CEP131: variants seen among roughly 807,000 people sequenced by gnomAD.
CEP131 encodes the protein centrosomal protein of 131 kDa.
Under a neutral mutation model 136.8 loss-of-function variants are expected in CEP131, and 99 were observed. The observed-to-expected ratio is 0.72, with a 90% CI of 0.62 to 0.86. CEP131 has a LOEUF of 0.86. Among genes scored for constraint, CEP131 ranks in the 40% least tolerant of loss-of-function variants. CEP131 has a pLI of 0.00. For synonymous variants in CEP131, 646 were observed against 612.7 expected (o/e 1.05, Z -0.80); for missense variants, 1,459 against 1,463.0 (o/e 1.00, Z 0.04).
At chr17:81,207,292 G>A (rs751353331) in intron 3 of CEP131, 53 bp from the exon 4 acceptor site, 32 of 1,534,170 alleles carry the variant, frequency 2.1e-5, no homozygotes, top group African/African-American at 5.5e-5. Flanking sequence ...CCGGGAAGCC[G>A]ACGCTAGGCA....
chr17:81,218,360 G>A (rs765066383), intron 2 of CEP131, among the ~76,000 whole-genome samples: 2 of 152,170 alleles, frequency 1.3e-5, no homozygotes, highest in Admixed American at 6.5e-5. Context: ...GCGATTTCGA[G>A]TGCGTCTTCC....
intron 2 of CEP131, among the ~76,000 whole-genome samples, chr17:81,212,771 C>A (rs2659003): frequency 1.6e-4 from 24 of 152,068 alleles, no homozygotes; most frequent in Non-Finnish European, 2.1e-4. Context: ...CAGCAAGCGT[C>A]GGGGGGGCGA....
rs144042418 is a variant in CEP131, at chr17:81,194,034, T to C, written c.2213A>G (p.Asp738Gly). The C allele has an allele frequency of 7.0e-6, 11 of 1,580,254 alleles. No homozygotes were observed. In the African/African-American group the frequency reaches 1.4e-4, roughly 20 times the overall value. ...CAGGCAGCGCTGCGAGGCCCGCTCA[T>C]CCGACTGCAGCAGCTCCGCCTCGTG... ...SLHEAELLQS[D>G]ERASQRCLRQ... The change falls in exon 18 of 26, where the codon GAT becomes GGT. Residue 738 changes from aspartate to glycine, a missense_variant. This residue lies in a region of CEP131 where 1,026 missense variants were observed against 964.2 expected (regional missense o/e 1.06). Transcript: ENST00000450824.
chr17:81,192,685 G>GGGGGGGGGGGCC, intron 19 of CEP131, 51 bp downstream of exon 19: 3 of 478,408 alleles, frequency 6.3e-6, no homozygotes, highest in Non-Finnish European at 1.2e-5. Flanking sequence ...GGGGGGAGGG[G>GGGGGGGGGGGCC]TCAGCCAGCG....
At chr17:81,202,652 A>G (rs778769041) in intron 6 of CEP131, among the ~76,000 whole-genome samples, 24 of 152,162 alleles carry the variant, frequency 1.6e-4, no homozygotes, top group Non-Finnish European at 2.8e-4. Flanking sequence ...TTTGCATTTA[A>G]AAACTTCTCA....
intron 7 of CEP131, 88 bp from the exon 8 acceptor site, chr17:81,200,534 A>G (rs1467048155): frequency 1.0e-6 from 1 of 1,001,104 alleles, no homozygotes; most frequent in Non-Finnish European, 1.5e-6. Context: ...GAGCCGGGGA[A>G]GAGAGAAGCC....
In CEP131 at chr17:81,203,417, G is replaced by A. The variant is rs190466266; in HGVS notation, c.629+77C>T. 5.0e-5 allele frequency: 61 copies of A among 1,217,276 alleles called. No individual in the cohort carries two copies. The highest frequency in any genetic ancestry group is 6.4e-5 in the Non-Finnish European group (55 of 859,910). 75.4% of individuals were successfully genotyped at this position (1,217,276 alleles called of 1,614,324 possible). On this transcript the variant is annotated intron_variant, in intron 6 of 25. Coordinates refer to ENST00000450824, the MANE Select transcript of CEP131 (RefSeq NM_014984.4). This position sits in a 1 kb window ranked among gnomAD's most constrained non-coding sequence, Gnocchi z 4.6. ...CTGACCGCGTGCCCTGACCGAGGTC[G>A]GACCCCAGGTGCACTGACTACATGC...
Position 81,198,227 on chromosome 17 carries a change from GACTTGGCGCTC to G in CEP131, c.1347_1357del (p.Ser450GlnfsTer40). The G allele has an allele frequency of 6.2e-7, 1 of 1,601,394 alleles. No individual in the cohort carries two copies. Among genetic ancestry groups the G allele is most frequent in the Non-Finnish European group, 8.5e-7 (1 of 1,174,138 alleles). On this transcript the variant is annotated frameshift_variant, in exon 12 of 26. Transcript: ENST00000450824. LOFTEE classifies it high-confidence loss of function. ...CAGCAGCTCCTCCAGTGGCCCCCTG[GACTTGGCGCTC>G]CCCCTGCTCGGGGCCATCATCTCCA...
chr17:81,208,117 CACCACACACAT>C lies in CEP131; in HGVS notation c.272+800_272+810del, dbSNP rs1171110984. On this transcript the variant is annotated intron_variant, in intron 3 of 25. Transcript: ENST00000450824. This position sits in a 1 kb window ranked among gnomAD's most constrained non-coding sequence, Gnocchi z 5.6. ...CACACACTTATGCCACACACCCACA[CACCACACACAT>C]ACCACACACACACACCAGCTGGCCT... 6.6e-6 allele frequency among the ~76,000 whole-genome samples: 1 copy of C among 150,414 alleles called. No homozygotes were observed. The highest frequency in any genetic ancestry group is 2.0e-4 in the East Asian group (1 of 5,112).
intron 1 of CEP131, among the ~76,000 whole-genome samples, chr17:81,221,192 G>A (rs907761483): frequency 6.6e-6 from 1 of 151,276 alleles, no homozygotes; most frequent in Admixed American, 6.6e-5. Context: ...TGGTCTCAAG[G>A]CCTCAAGGCT....
chr17:81,216,661 T>C (rs2659028), intron 2 of CEP131, among the ~76,000 whole-genome samples: 145,594 of 152,332 alleles, frequency 0.96, 69,661 homozygotes, highest in East Asian at 0.99. Context: ...AACAGAACAG[T>C]GGCCGCCTAG....
intron 16 of CEP131, among the ~76,000 whole-genome samples, chr17:81,195,175 C>T (rs1248933503): frequency 6.6e-6 from 1 of 152,160 alleles, no homozygotes; most frequent in African/African-American, 2.4e-5. Context: ...CACCCTGCCA[C>T]ACACCTTGGT....
Position 81,195,840 on chromosome 17 carries a change from C to A in CEP131, c.2011G>T (p.Glu671Ter). The A allele has an allele frequency of 6.2e-7, 1 of 1,603,408 alleles. No individual in the cohort carries two copies. The highest frequency in any genetic ancestry group is 8.5e-7 in the Non-Finnish European group (1 of 1,179,666). The part of the protein sequence containing the change: ...ERVAQAQAQH[E>*]LEIKKLKELM... ...AGTAGGGAGCAAAGCCTCACCAGCT[C>A]GTGCTGCGCCTGTGCCTGGGCCACA... Residue 671 changes from glutamate to a stop codon, truncating the protein, a stop_gained, in exon 16 of 26, where the codon GAG becomes TAG. Transcript: ENST00000450824. LOFTEE classifies it high-confidence loss of function.
chr17:81,199,819 G>C lies in CEP131; in HGVS notation c.923C>G (p.Ser308Ter), dbSNP rs758863209. 6.2e-7 allele frequency: 1 copy of C among 1,611,166 alleles called. No individual in the cohort carries two copies. ...QAKREEQRQR[S>*]GEGTLLDLHQ... ...CAGGTCCAAGAGGGTCCCCTCGCCT[G>C]ACCGCTGCCGCTGCTCCTGCCAAAG... Residue 308 changes from serine (S) to a stop codon, truncating the protein, a stop_gained, in exon 9 of 26, where the codon TCA becomes TGA. Coordinates refer to ENST00000450824, the MANE Select transcript of CEP131 (RefSeq NM_014984.4). LOFTEE classifies it high-confidence loss of function.
At chr17:81,195,015 C>T (rs2061724401) in intron 16 of CEP131, 43 bp from the exon 17 acceptor site, 2 of 1,509,168 alleles carry the variant, frequency 1.3e-6, no homozygotes, top group Non-Finnish European at 1.8e-6. Context: ...CGAAGGACAC[C>T]CCCGTCCCTT....
In CEP131 at chr17:81,192,721, GC is replaced by G; in HGVS notation, c.2429+14del. ...AGGGGTCCCTGGGAGAGGGCGTGGT[GC>G]CCCCGGGCGGCACCTGGCTGCCTGC... is the stretch of plus-strand genomic sequence containing the variant. On this transcript the variant is annotated intron_variant, in intron 19 of 25. Transcript: ENST00000450824. 8 of 1,536,884 alleles carry G rather than the reference GC, an allele frequency of 5.2e-6. No homozygotes were observed. Among genetic ancestry groups the G allele is most frequent in the Non-Finnish European group, 6.2e-6 (7 of 1,129,300 alleles).
rs949103859 is a variant in CEP131, at chr17:81,203,113, C to G, written c.629+381G>C. ...GGGCTCCTTTGCCCCGCTCGGTCCA[C>G]CCCCGCTGTGACGCCTTCTGGGCTC... On this transcript the variant is annotated intron_variant, in intron 6 of 25. Coordinates refer to ENST00000450824, the MANE Select transcript of CEP131 (RefSeq NM_014984.4). The surrounding 1 kb of genome is among the most constrained non-coding windows in gnomAD (Gnocchi z 4.6). Among the ~76,000 whole-genome samples, 11 of 152,220 alleles carry G rather than the reference C, an allele frequency of 7.2e-5. No individual in the cohort carries two copies. Among genetic ancestry groups the G allele is most frequent in the Admixed American group, 5.2e-4 (8 of 15,286 alleles).
At chr17:81,205,793 G>C (rs537429726) in intron 5 of CEP131, among the ~76,000 whole-genome samples, 118 of 152,052 alleles carry the variant, frequency 7.8e-4, no homozygotes, top group Non-Finnish European at 1.4e-3. Context: ...CAGCTGCTCC[G>C]AAGGCTGAAG....
In CEP131 at chr17:81,189,708, G is replaced by GCCCA; in HGVS notation, c.*57_*60dup. ...GGTGGGCGTCCCTGTGGGCCTCTGG[G>GCCCA]CCCACGTCCAGCCTCTGTCCTCTGC... On this transcript the variant is annotated 3_prime_UTR_variant, in exon 26 of 26. Coordinates refer to ENST00000450824, the MANE Select transcript of CEP131 (RefSeq NM_014984.4). 1 of 1,502,376 alleles carries GCCCA rather than the reference G, an allele frequency of 6.7e-7. No individual in the cohort carries two copies. 93.1% of individuals were successfully genotyped at this position (1,502,376 alleles called of 1,614,324 possible).
Sources: allele counts gnomAD v4.1 joint callset (sites outside exome capture counted in the v4.1 genomes callset), GRCh38; gene constraint gnomAD v4.1.1; regional missense constraint gnomAD v4.1.1; non-coding constraint Gnocchi (gnomAD v3.1); transcripts MANE v1.5; gene names NCBI Gene and HGNC (gene_info 2026-07-23, HGNC 2026-07-21).